PRCD: variants seen among roughly 807,000 people sequenced by gnomAD.
PRCD encodes photoreceptor disc component.
Under a neutral mutation model 10.1 loss-of-function variants are expected in PRCD, and 12 were observed. The observed-to-expected ratio is 1.18, with a 90% CI of 0.76 to 1.92. The LOEUF (loss-of-function observed/expected upper bound fraction) is 1.92. PRCD is among the 40% of genes most tolerant of loss of function. The probability of loss-of-function intolerance (pLI) is 0.00; values close to 1 mark genes in which losing one functional copy is unlikely to be tolerated. For missense variants in PRCD, 61 were observed against 72.2 expected, an observed-to-expected ratio of 0.84 and a Z score of 0.56; for synonymous variants, 31 against 26.2, an observed-to-expected ratio of 1.18 and a Z score of -0.56.
chr17:76,532,530 C>CTTTTTT (rs111936272), intron 1 of PRCD, among the ~76,000 whole-genome samples: 1 of 125,726 alleles, frequency 8.0e-6, no homozygotes, highest in Non-Finnish European at 1.7e-5. Context: ...ATGACAATGG[C>CTTTTTT]TTTTTTTTTT....
Position 76,545,060 on chromosome 17 carries a change from G to A in PRCD, c.*1410G>A, listed in dbSNP as rs374415732. 4 of 450,946 alleles carry A rather than the reference G, an allele frequency of 8.9e-6. No individual in the cohort carries two copies. The highest frequency in any genetic ancestry group is 4.7e-5 in the Admixed American group (2 of 42,450). 27.9% of individuals were successfully genotyped at this position (450,946 alleles called of 1,614,324 possible). On this transcript the variant is annotated 3_prime_UTR_variant, in exon 5 of 5. Transcript: ENST00000592014. ...AGCTGGGGTGCCATGTGGGCCGGGT[G>A]GGGGGGCTGTCTCCCCCAGGGAGCA...
At chr17:76,527,677 C>T (rs1167821508), upstream of PRCD, 22 of 453,964 alleles carry the variant, frequency 4.8e-5, no homozygotes, top group African/African-American at 1.4e-4. Context: ...CATGTGGTCC[C>T]GCCGACCTGC....
chr17:76,537,715 T>C (rs2074936615), upstream of PRCD: 4 of 358,142 alleles, frequency 1.1e-5, no homozygotes, highest in Non-Finnish European at 1.5e-5. Flanking sequence ...TGTGTGTGTG[T>C]GCGTGCGTGT....
In PRCD at chr17:76,544,147, T is replaced by G. The variant is rs1037754603; in HGVS notation, c.*497T>G. 1 of 454,478 alleles carries G rather than the reference T, an allele frequency of 2.2e-6. No individual in the cohort carries two copies. The highest frequency in any genetic ancestry group is 2.0e-5 in the African/African-American group (1 of 50,004). The allele number at this position is 454,478 out of a possible 1,614,324, so 28.2% of individuals were successfully genotyped here. ...TGCTCCCAGATCCAGGAGCAGACCC[T>G]GCAGGCAGCTGCTCCTGATGTCTCA... On this transcript the variant is annotated 3_prime_UTR_variant, in exon 5 of 5. Coordinates refer to ENST00000592014, the MANE Select transcript of PRCD (RefSeq NM_001077620.3).
upstream of PRCD, among the ~76,000 whole-genome samples, chr17:76,535,751 C>G (rs149071721): frequency 2.3e-3 from 344 of 152,306 alleles, 2 homozygotes; most frequent in Middle Eastern, 0.017. Context: ...CTCGGTGTTT[C>G]GTTTCTCCCT....
chr17:76,532,492 C>A (rs1218981199), intron 1 of PRCD, among the ~76,000 whole-genome samples: 3 of 151,964 alleles, frequency 2.0e-5, no homozygotes, highest in African/African-American at 7.3e-5. Context: ...TGACCCCCTG[C>A]CCTAGCTGGG....
downstream of PRCD, among the ~76,000 whole-genome samples, chr17:76,548,179 C>T (rs1002987925): frequency 7.3e-5 from 11 of 151,360 alleles, no homozygotes; most frequent in South Asian, 6.3e-4. Flanking sequence ...ACATATACAC[C>T]GACACATACA....
downstream of PRCD, chr17:76,545,394 CT>C (rs1441865438): frequency 3.5e-5 from 16 of 456,510 alleles, no homozygotes; most frequent in East Asian, 1.1e-3. Flanking sequence ...AGGCTGAGTC[CT>C]TTTTCATCCC....
At chr17:76,535,560 C>T (rs2074904793), upstream of PRCD, among the ~76,000 whole-genome samples, 1 of 152,092 alleles carries the variant, frequency 6.6e-6, no homozygotes, top group African/African-American at 2.4e-5. Context: ...GGGCTCTAGT[C>T]CACAAAGAAG....
intron 1 of PRCD, among the ~76,000 whole-genome samples, chr17:76,534,141 TC>T (rs2074885461): frequency 8.7e-6 from 1 of 114,934 alleles, no homozygotes; most frequent in African/African-American, 3.4e-5. Flanking sequence ...TCTCTCTCTT[TC>T]TCTTTCTCTC....
rs757471313 is a variant in PRCD, at chr17:76,540,215, C to A, written c.74C>A (p.Pro25Gln). The A allele has an allele frequency of 2.1e-6, 3 of 1,454,554 alleles. No individual in the cohort carries two copies. The Admixed American group carries it at 6.2e-5, about 30-fold the overall frequency. 90.1% of individuals were successfully genotyped at this position (1,454,554 alleles called of 1,614,324 possible). A position where few individuals can be genotyped will look rare whatever the true frequency, so the allele number is the denominator to read the frequency against. Reference protein sequence around the residue: ...WRRRFANRVQPEPSDVDGAAR... With the variant: ...WRRRFANRVQQEPSDVDGAAR... Reference sequence around the variant, plus strand: ...CGCCGATTTGCCAACCGAGTCCAACCGTGAGAAACTGACCGGGCTATGGCT... The same window carrying A: ...CGCCGATTTGCCAACCGAGTCCAACAGTGAGAAACTGACCGGGCTATGGCT... Residue 25 changes from proline to glutamine, a missense_variant and splice_region_variant, in exon 1 of 5, where the codon CCA becomes CAA. Transcript: ENST00000592014. This position sits in a 1 kb window ranked among gnomAD's most constrained non-coding sequence, Gnocchi z 5.0.
chr17:76,540,689 C>A lies in PRCD; in HGVS notation c.143+116C>A. ...CGCCTGTGCGTGCACCGTATCCTGG[C>A]CCTTGCCCTAAGCACCCTGCTCCCT... is the stretch of plus-strand genomic sequence containing the variant. On this transcript the variant is annotated intron_variant, in intron 2 of 4. Coordinates refer to ENST00000592014, the MANE Select transcript of PRCD (RefSeq NM_001077620.3). The surrounding 1 kb of genome is among the most constrained non-coding windows in gnomAD (Gnocchi z 5.0). 9.6e-7 allele frequency: 1 copy of A among 1,045,328 alleles called. No individual in the cohort carries two copies. The highest frequency in any genetic ancestry group is 1.3e-5 in the South Asian group (1 of 74,572). The allele number at this position is 1,045,328 out of a possible 1,614,324, so 64.8% of individuals were successfully genotyped here.
At chr17:76,547,816 TCACA>T (rs749227950), downstream of PRCD, among the ~76,000 whole-genome samples, 12 of 136,288 alleles carry the variant, frequency 8.8e-5, no homozygotes, top group East Asian at 6.3e-4. Flanking sequence ...AGACACACAT[TCACA>T]CACACACACA....
intron 1 of PRCD, chr17:76,529,280 T>C (rs529744208): frequency 2.3e-4 from 222 of 985,332 alleles, no homozygotes; most frequent in East Asian, 1.6e-3. Flanking sequence ...TGTAAAGGGA[T>C]GAGGGGACCA....
At chr17:76,538,546 G>T, upstream of PRCD, 1 of 464,010 alleles carries the variant, frequency 2.2e-6, no homozygotes, top group Non-Finnish European at 4.5e-6. Flanking sequence ...AGCCCAGCTG[G>T]TGGCGGAGGA....
At chr17:76,541,358 C>T (rs562342823) in intron 2 of PRCD, among the ~76,000 whole-genome samples, 34 of 152,250 alleles carry the variant, frequency 2.2e-4, no homozygotes, top group Non-Finnish European at 4.3e-4. Flanking sequence ...AAAAAAGATC[C>T]GATGACATCT....
At chr17:76,543,528 C>T in intron 4 of PRCD, 1 of 352,012 alleles carries the variant, frequency 2.8e-6, no homozygotes, top group Non-Finnish European at 5.6e-6. Flanking sequence ...TGGGGAAACA[C>T]AGAGACAGGT....
At chr17:76,529,940 G>A in intron 1 of PRCD, 1 of 985,296 alleles carries the variant, frequency 1.0e-6, no homozygotes, top group Non-Finnish European at 1.2e-6. Context: ...AGCCAGCCCG[G>A]GGCCAGTGTG....
At chr17:76,537,430 C>T (rs755137339), upstream of PRCD, 1 of 1,598,922 alleles carries the variant, frequency 6.3e-7, no homozygotes, top group Non-Finnish European at 8.5e-7. Flanking sequence ...CACGTCCTCG[C>T]AGTTGGCATA....
Sources: allele counts gnomAD v4.1 joint callset (sites outside exome capture counted in the v4.1 genomes callset), GRCh38; gene constraint gnomAD v4.1.1; non-coding constraint Gnocchi (gnomAD v3.1); transcripts MANE v1.5; gene names NCBI Gene and HGNC (gene_info 2026-07-23, HGNC 2026-07-21).